CORIN: variants seen among roughly 807,000 people sequenced by gnomAD.
CORIN encodes the protein corin, serine peptidase.
In CORIN, 117 loss-of-function variants were observed where a neutral mutation model predicts 125.3. That is an observed-to-expected ratio of 0.93 (90% CI 0.80 to 1.09). The LOEUF (loss-of-function observed/expected upper bound fraction) is 1.09, where lower values mean the gene tolerates loss of function less well. CORIN is among the 50% of genes least tolerant of loss of function. CORIN has a pLI of 0.00. For missense variants in CORIN, 1,253 were observed against 1,306.7 expected, an observed-to-expected ratio of 0.96 and a Z score of 0.63; for synonymous variants, 450 against 466.4, an observed-to-expected ratio of 0.96 and a Z score of 0.45.
chr4:47,776,701 T>C (rs1730318624), intron 3 of CORIN, among the ~76,000 whole-genome samples: 2 of 152,220 alleles, frequency 1.3e-5, no homozygotes, highest in African/African-American at 2.4e-5. Flanking sequence ...CAAAATTTTA[T>C]ATCTCCCACT....
chr4:47,688,217 A>C (rs986328615), intron 6 of CORIN, among the ~76,000 whole-genome samples: 1 of 152,156 alleles, frequency 6.6e-6, no homozygotes, highest in Non-Finnish European at 1.5e-5. Flanking sequence ...TTTTTACTAG[A>C]AGGACTCCCT....
intron 5 of CORIN, among the ~76,000 whole-genome samples, chr4:47,735,040 G>GA (rs1481517667): frequency 2.0e-5 from 3 of 152,140 alleles, no homozygotes; most frequent in Non-Finnish European, 4.4e-5. Context: ...AATATTGAAT[G>GA]AAAAAATGAA....
rs892826741 is a variant in CORIN at position 47,796,566 on chromosome 4, T to C, written c.209-9641A>G. Among the ~76,000 whole-genome samples, 4 of 152,104 alleles carry C rather than the reference T, an allele frequency of 2.6e-5. No homozygotes were observed. In the East Asian group the frequency reaches 5.8e-4, roughly 22 times the overall value. On this transcript the variant is annotated intron_variant, in intron 2 of 21. Transcript: ENST00000273857. Reference sequence around the variant, plus strand: ...ACATTTGTTAAAAGGGCAGATCTTATGCAAAATGTTCTTATCATGGAAAAA... The same window carrying C: ...ACATTTGTTAAAAGGGCAGATCTTACGCAAAATGTTCTTATCATGGAAAAA...
chr4:47,797,392 A>C (rs1372447545), intron 2 of CORIN, among the ~76,000 whole-genome samples: 1 of 151,896 alleles, frequency 6.6e-6, no homozygotes, highest in Admixed American at 6.6e-5. Context: ...AGTTCTTATA[A>C]GAAAGAAATT....
chr4:47,725,152 T>C (rs1241241971), intron 5 of CORIN, among the ~76,000 whole-genome samples: 1 of 152,114 alleles, frequency 6.6e-6, no homozygotes, highest in Non-Finnish European at 1.5e-5. Flanking sequence ...ATAAACCAAG[T>C]TCATGGTTTG....
chr4:47,719,845 TC>T (rs1282603312), intron 5 of CORIN, among the ~76,000 whole-genome samples: 6 of 152,324 alleles, frequency 3.9e-5, no homozygotes, highest in African/African-American at 1.2e-4. Context: ...TTAGGCAATT[TC>T]AGAAAACATT....
At chr4:47,682,924 C>T (rs1725351659) in intron 7 of CORIN, 1 of 152,196 alleles carries the variant, frequency 6.6e-6, no homozygotes, top group Non-Finnish European at 1.5e-5. Context: ...TCCTAACATT[C>T]ATGATTCCAA....
chr4:47,804,538 G>C (rs1443622043), intron 2 of CORIN, among the ~76,000 whole-genome samples: 2 of 151,892 alleles, frequency 1.3e-5, no homozygotes, highest in African/African-American at 2.4e-5. Flanking sequence ...AAAAGGATTA[G>C]ATACTGTCAT....
chr4:47,660,794 C>A (rs1724210437), intron 12 of CORIN, among the ~76,000 whole-genome samples: 1 of 152,076 alleles, frequency 6.6e-6, no homozygotes, highest in Non-Finnish European at 1.5e-5. Flanking sequence ...TAAAAGTAGA[C>A]CTAATACATG....
rs550991794 is a variant in CORIN at position 47,783,503 on chromosome 4, A to G, written c.409+3222T>C. ...AACCCCCAAGAAAAATGTCTTAGGG[A>G]AAGACTATTTCTTGGTATTTTCCTA... is the stretch of plus-strand genomic sequence containing the variant. On this transcript the variant is annotated intron_variant, in intron 3 of 21. Transcript: ENST00000273857. Among the ~76,000 whole-genome samples the G allele has an allele frequency of 1.2e-4, 19 of 152,208 alleles. 1 individual carries two copies. The highest frequency in any genetic ancestry group is 4.3e-4 in the African/African-American group (18 of 41,548).
chr4:47,828,684 T>A (rs1732840719), intron 1 of CORIN, among the ~76,000 whole-genome samples: 1 of 152,176 alleles, frequency 6.6e-6, no homozygotes, highest in Non-Finnish European at 1.5e-5. Flanking sequence ...TATTCACAGG[T>A]CTCAGGGATT....
chr4:47,596,018 C>T lies in CORIN; in HGVS notation c.2947-115G>A, dbSNP rs1477100679. The T allele has an allele frequency of 1.4e-5, 10 of 735,636 alleles. No individual in the cohort carries two copies. In the African/African-American group the frequency reaches 1.8e-4, roughly 13 times the overall value. The allele number at this position is 735,636 out of a possible 1,614,324, so 45.6% of individuals were successfully genotyped here. On this transcript the variant is annotated intron_variant, in intron 21 of 21. Coordinates refer to ENST00000273857, the MANE Select transcript of CORIN (RefSeq NM_006587.4). ...CCAGATTAACCAACTTGGAAAGTTT[C>T]AACAAAGCTTTCCTTGTCAGCCTGT...
chr4:47,753,215 G>T (rs1057343099), intron 4 of CORIN, among the ~76,000 whole-genome samples: 2 of 152,066 alleles, frequency 1.3e-5, no homozygotes, highest in African/African-American at 4.8e-5. Context: ...GGGGGTGTAC[G>T]AACAAGGAAT....
chr4:47,827,890 C>T (rs1476970067), intron 1 of CORIN, among the ~76,000 whole-genome samples: 1 of 152,112 alleles, frequency 6.6e-6, no homozygotes, highest in East Asian at 1.9e-4. Context: ...TTCTGTTCAC[C>T]ACCCATAGCT....
At chr4:47,818,519 T>C (rs1482265538) in intron 1 of CORIN, among the ~76,000 whole-genome samples, 1 of 152,212 alleles carries the variant, frequency 6.6e-6, no homozygotes, top group East Asian at 1.9e-4. Context: ...AAGGCAGTTT[T>C]TTAAAAGCTG....
rs534621949 is a variant in CORIN, at chr4:47,611,279, G to A, written c.2541-7611C>T. Among the ~76,000 whole-genome samples, 33 of 151,996 alleles carry A rather than the reference G, an allele frequency of 2.2e-4. No homozygotes were observed. The East Asian group carries it at 3.1e-3, about 14-fold the overall frequency. ...GTCCTCTCTGATTTCCTTAAACAGC[G>A]GTTTGTAGTTCTCCTTGAAGAGGTC... On this transcript the variant is annotated intron_variant, in intron 19 of 21. Coordinates refer to ENST00000273857, the MANE Select transcript of CORIN (RefSeq NM_006587.4).
intron 5 of CORIN, among the ~76,000 whole-genome samples, chr4:47,721,472 T>C (rs1476800642): frequency 6.6e-6 from 1 of 152,224 alleles, no homozygotes; most frequent in Non-Finnish European, 1.5e-5. Flanking sequence ...TTTTGCCATG[T>C]TGGCCAGGCT....
chr4:47,733,836 T>C (rs951331146), intron 5 of CORIN, among the ~76,000 whole-genome samples: 2 of 152,232 alleles, frequency 1.3e-5, no homozygotes, highest in Admixed American at 1.3e-4. Flanking sequence ...GACAACTGTG[T>C]GTCCTTCTAT....
At chr4:47,737,084 C>T (rs1158550518) in intron 5 of CORIN, among the ~76,000 whole-genome samples, 3 of 152,192 alleles carry the variant, frequency 2.0e-5, no homozygotes, top group Non-Finnish European at 4.4e-5. Context: ...AAATTTGGAA[C>T]TACTCAAGGA....
Sources: gnomAD v4.1 joint callset for allele counts (sites outside exome capture counted in the v4.1 genomes callset) on GRCh38, gnomAD v4.1.1 for gene constraint, MANE v1.5 for transcripts, NCBI Gene and HGNC (gene_info 2026-07-23, HGNC 2026-07-21) for gene names.